MED13L: variants seen among roughly 807,000 people sequenced by gnomAD.
MED13L encodes mediator of RNA polymerase II transcription subunit 13-like.
MED13L carries 7 observed loss-of-function variants against 220.9 expected under a neutral mutation model. That is an observed-to-expected ratio of 0.03 (90% CI 0.02 to 0.06). The LOEUF (loss-of-function observed/expected upper bound fraction) is 0.06. Ranked by LOEUF, MED13L falls within the 10% of genes least tolerant of loss-of-function variation. MED13L has a pLI of 1.00. For missense variants in MED13L, 1,965 were observed against 2,760.5 expected (o/e 0.71, Z 6.46); for synonymous variants, 1,011 against 1,015.2 (o/e 1.00, Z 0.08).
intron 2 of MED13L, among the ~76,000 whole-genome samples, chr12:116,161,996 A>G (rs1319368171): frequency 6.6e-6 from 1 of 152,144 alleles, no homozygotes; most frequent in Non-Finnish European, 1.5e-5. Flanking sequence ...ATAACTGACA[A>G]TGGCTACATC....
chr12:116,182,985 C>A (rs1880629996), intron 2 of MED13L, among the ~76,000 whole-genome samples: 1 of 151,664 alleles, frequency 6.6e-6, no homozygotes, highest in Admixed American at 6.6e-5. Context: ...AGCAGACAGG[C>A]AGTGAATGTT....
intron 4 of MED13L, among the ~76,000 whole-genome samples, chr12:116,065,985 C>T (rs1375313909): frequency 6.6e-6 from 1 of 152,198 alleles, no homozygotes; most frequent in Non-Finnish European, 1.5e-5. Flanking sequence ...AGGAGCTATA[C>T]AAGCACATAA....
intron 4 of MED13L, among the ~76,000 whole-genome samples, chr12:116,095,061 C>T (rs748335587): frequency 4.2e-4 from 64 of 152,070 alleles, no homozygotes; most frequent in Admixed American, 2.0e-4. Flanking sequence ...ACTTGGGAGG[C>T]TGAAGTGGGA....
intron 1 of MED13L, among the ~76,000 whole-genome samples, chr12:116,250,357 A>AT (rs923049117): frequency 8.8e-4 from 131 of 148,756 alleles, no homozygotes; most frequent in East Asian, 3.3e-3. Flanking sequence ...AACTAGAATA[A>AT]TTTTTTTTTT....
intron 2 of MED13L, among the ~76,000 whole-genome samples, chr12:116,149,464 G>A (rs903160410): frequency 3.9e-5 from 6 of 152,080 alleles, no homozygotes; most frequent in Non-Finnish European, 7.4e-5. Flanking sequence ...CATGCTTCCC[G>A]CATTTTTCTT....
intron 2 of MED13L, among the ~76,000 whole-genome samples, chr12:116,140,770 T>G (rs1393002444): frequency 6.6e-6 from 1 of 152,210 alleles, no homozygotes; most frequent in Non-Finnish European, 1.5e-5. Flanking sequence ...ATCGCATTAC[T>G]AACATCAGGT....
At chr12:116,131,367 C>G (rs1050207492) in intron 2 of MED13L, among the ~76,000 whole-genome samples, 1 of 152,200 alleles carries the variant, frequency 6.6e-6, no homozygotes, top group Non-Finnish European at 1.5e-5. Context: ...GCAAACTGTT[C>G]ACCAGGTTGC....
chr12:116,048,975 T>C (rs970791676), intron 4 of MED13L, among the ~76,000 whole-genome samples: 1 of 152,186 alleles, frequency 6.6e-6, no homozygotes, highest in African/African-American at 2.4e-5. Context: ...TATGCTACAA[T>C]AAGACATTTG....
At chr12:116,124,794 A>G (rs1875435387) in intron 2 of MED13L, among the ~76,000 whole-genome samples, 1 of 152,236 alleles carries the variant, frequency 6.6e-6, no homozygotes, top group African/African-American at 2.4e-5. Flanking sequence ...AGTTTTCTTA[A>G]GGAATTTTAA....
chr12:116,053,055 ATC>A (rs1270356178), intron 4 of MED13L, among the ~76,000 whole-genome samples: 1 of 152,238 alleles, frequency 6.6e-6, no homozygotes, highest in East Asian at 1.9e-4. Context: ...TTATGCAAAT[ATC>A]TGTCTTTCTG....
chr12:116,150,867 C>G (rs1264987843), intron 2 of MED13L, among the ~76,000 whole-genome samples: 4 of 152,124 alleles, frequency 2.6e-5, no homozygotes, highest in Admixed American at 2.6e-4. Context: ...TTTTCTCAAT[C>G]TAAGTTTCTT....
chr12:116,024,570 T>C (rs1336143598), intron 4 of MED13L, among the ~76,000 whole-genome samples: 1 of 152,178 alleles, frequency 6.6e-6, no homozygotes, highest in Non-Finnish European at 1.5e-5. Flanking sequence ...TCTCCTATTC[T>C]GTGGGTTACC....
At chr12:116,270,961 G>C (rs1315378304) in intron 1 of MED13L, among the ~76,000 whole-genome samples, 2 of 136,970 alleles carry the variant, frequency 1.5e-5, no homozygotes, top group African/African-American at 5.5e-5. Flanking sequence ...AAAATCGCTT[G>C]AACCCAGGAG....
Position 115,963,409 on chromosome 12 carries a change from T to C in MED13L, c.6498A>G (p.Leu2166=). The C allele has an allele frequency of 1.9e-6, 3 of 1,607,638 alleles. No individual in the cohort carries two copies. The highest frequency in any genetic ancestry group is 2.6e-6 in the Non-Finnish European group (3 of 1,174,072). ...PLDSKTTSDV[L]RFVLEQYNAL... is the part of the protein sequence containing the mutation. ...ATGATGCCTAGGTTGGTATCTACCT[T>C]AAAACATCCGACGTGGTTTTGGAGT... The change falls in exon 30 of 31, where the codon TTA becomes TTG. Residue 2166 remains leucine, a splice_region_variant and synonymous_variant. Transcript: ENST00000281928.
intron 2 of MED13L, among the ~76,000 whole-genome samples, chr12:116,146,914 T>C (rs1877574064): frequency 6.6e-6 from 1 of 151,700 alleles, no homozygotes; most frequent in Non-Finnish European, 1.5e-5. Flanking sequence ...AATCTCTAAA[T>C]AGCCTCAACT....
chr12:115,974,209 A>G (rs1876781693), intron 25 of MED13L, among the ~76,000 whole-genome samples: 1 of 152,212 alleles, frequency 6.6e-6, no homozygotes, highest in South Asian at 2.1e-4. Flanking sequence ...TAGTCACAAC[A>G]GCAACCATCT....
intron 2 of MED13L, among the ~76,000 whole-genome samples, chr12:116,233,090 G>GAAAAAAAA (rs530903194): frequency 1.1e-4 from 9 of 82,948 alleles, no homozygotes; most frequent in Non-Finnish European, 1.5e-4. Context: ...CTGTCTAAAG[G>GAAAAAAAA]AAAAAAAAAA....
intron 2 of MED13L, among the ~76,000 whole-genome samples, chr12:116,120,475 T>TCACA (rs1280509373): frequency 5.7e-3 from 519 of 91,680 alleles, no homozygotes; most frequent in African/African-American, 0.017. Flanking sequence ...TCTCTCTCTC[T>TCACA]CTCACACACA....
chr12:116,246,633 C>T (rs1444359685), intron 1 of MED13L, among the ~76,000 whole-genome samples: 1 of 147,886 alleles, frequency 6.8e-6, no homozygotes, highest in Admixed American at 6.9e-5. Context: ...GACAGCAAGA[C>T]CTTGTCTCTA....
Sources: allele counts gnomAD v4.1 joint callset (sites outside exome capture counted in the v4.1 genomes callset), GRCh38; gene constraint gnomAD v4.1.1; transcripts MANE v1.5; gene names NCBI Gene and HGNC (gene_info 2026-07-23, HGNC 2026-07-21).